The following CDK13 variants were observed in gnomAD, a reference collection of about 807,000 sequenced individuals.
CDK13 encodes the protein cyclin-dependent kinase 13.
Under a neutral mutation model 137.6 loss-of-function variants are expected in CDK13, and 40 were observed. The ratio of observed to expected loss-of-function variants is 0.29; its 90% CI spans 0.23 to 0.38. The LOEUF (loss-of-function observed/expected upper bound fraction) is 0.38. Among genes scored for constraint, CDK13 ranks in the 10% least tolerant of loss-of-function variants. The pLI, the probability that CDK13 is intolerant of heterozygous loss-of-function variation, is 1.00. For missense variants in CDK13, 1,704 were observed against 1,951.8 expected, an observed-to-expected ratio of 0.87 and a Z score of 2.39; for synonymous variants, 869 against 760.1, an observed-to-expected ratio of 1.14 and a Z score of -2.36.
chr7:40,014,678 A>G lies in CDK13; in HGVS notation c.2353+12647A>G, dbSNP rs192019082. Among the ~76,000 whole-genome samples, 189 of 150,276 alleles carry G rather than the reference A, an allele frequency of 1.3e-3. 2 individuals are homozygous for G. Among genetic ancestry groups the G allele is most frequent in the African/African-American group, 4.4e-3 (180 of 40,888 alleles). On this transcript the variant is annotated intron_variant, in intron 5 of 13. Transcript: ENST00000181839. ...AACATGTTGCCGAGGCCAGTCTCGAACTCCTGGGCTCAAGTGATCCACCTG... is the reference window on the plus strand; with the variant it reads ...AACATGTTGCCGAGGCCAGTCTCGAGCTCCTGGGCTCAAGTGATCCACCTG...
chr7:40,077,766 G>A (rs921758403), intron 9 of CDK13, among the ~76,000 whole-genome samples: 6 of 152,138 alleles, frequency 3.9e-5, no homozygotes, highest in African/African-American at 1.4e-4. Flanking sequence ...TGAGGCAGGA[G>A]AATCACTTGA....
intron 5 of CDK13, among the ~76,000 whole-genome samples, chr7:40,041,037 G>A (rs1454972849): frequency 6.6e-6 from 1 of 152,036 alleles, no homozygotes; most frequent in Non-Finnish European, 1.5e-5. Context: ...AATTAATAAC[G>A]TATTTAACCC....
chr7:40,001,418 T>C (rs1784682453), intron 4 of CDK13, among the ~76,000 whole-genome samples: 1 of 152,086 alleles, frequency 6.6e-6, no homozygotes, highest in African/African-American at 2.4e-5. Flanking sequence ...GGTTTCACTA[T>C]GTTGGCCAGG....
At chr7:40,017,238 C>T (rs955100380) in intron 5 of CDK13, among the ~76,000 whole-genome samples, 1 of 152,072 alleles carries the variant, frequency 6.6e-6, no homozygotes, top group Non-Finnish European at 1.5e-5. Context: ...TTTTTAGCGT[C>T]TTCCAACAGT....
intron 11 of CDK13, among the ~76,000 whole-genome samples, chr7:40,085,325 C>T (rs1786765100): frequency 6.6e-6 from 1 of 151,346 alleles, no homozygotes; most frequent in African/African-American, 2.4e-5. Flanking sequence ...AGCACCACTG[C>T]ACTCCAGCCT....
chr7:39,959,535 C>G (rs1443577439), intron 1 of CDK13, among the ~76,000 whole-genome samples: 1 of 151,578 alleles, frequency 6.6e-6, no homozygotes, highest in Non-Finnish European at 1.5e-5. Flanking sequence ...GTGGCACCAT[C>G]TGCTCACTGC....
At chr7:39,987,225 A>C (rs892818639) in intron 1 of CDK13, 2 of 166,468 alleles carry the variant, frequency 1.2e-5, no homozygotes, top group Non-Finnish European at 2.6e-5. Context: ...TGAGGAAGGT[A>C]CTTTTGAGAT....
At chr7:40,046,664 TAATC>T (rs1785748224) in intron 6 of CDK13, among the ~76,000 whole-genome samples, 1 of 149,656 alleles carries the variant, frequency 6.7e-6, no homozygotes. Flanking sequence ...AAAATAAAAA[TAATC>T]AACAATATTA....
chr7:40,042,625 T>C (rs1412097245), intron 5 of CDK13, among the ~76,000 whole-genome samples: 1 of 150,890 alleles, frequency 6.6e-6, no homozygotes, highest in African/African-American at 2.4e-5. Flanking sequence ...ATTACAGGCA[T>C]GTGCCCCACA....
intron 11 of CDK13, among the ~76,000 whole-genome samples, chr7:40,082,028 T>C (rs1488713171): frequency 6.6e-6 from 1 of 152,248 alleles, no homozygotes; most frequent in Non-Finnish European, 1.5e-5. Context: ...TTGATTAATA[T>C]TGCTTATTCT....
At chr7:39,960,986 C>G in intron 1 of CDK13, among the ~76,000 whole-genome samples, 1 of 152,108 alleles carries the variant, frequency 6.6e-6, no homozygotes, top group East Asian at 1.9e-4. Context: ...CATCACATAC[C>G]TATTTTGGTG....
At chr7:39,987,562 CT>C (rs1562713507) in intron 1 of CDK13, 36 bp from the exon 2 acceptor site, 2 of 1,505,920 alleles carry the variant, frequency 1.3e-6, no homozygotes, top group African/African-American at 2.8e-5. Flanking sequence ...CTGAACCTTT[CT>C]CAATTACTGA....
chr7:39,951,523 G>A lies in CDK13; in HGVS notation c.882G>A (p.Lys294=), dbSNP rs770231488. The change falls in exon 1 of 14, where the codon AAG becomes AAA. Residue 294 remains lysine, a synonymous_variant. Transcript: ENST00000181839. ...KSSKEPPSAY[K]EPPKAYREDK... ...CCAAGGAGCCGCCTTCGGCCTACAAGGAACCGCCCAAGGCCTACCGGGAGG... is the reference window on the plus strand; with the variant it reads ...CCAAGGAGCCGCCTTCGGCCTACAAAGAACCGCCCAAGGCCTACCGGGAGG... 2.6e-6 allele frequency: 4 copies of A among 1,535,356 alleles called. No individual in the cohort carries two copies. The highest frequency in any genetic ancestry group is 2.6e-6 in the Non-Finnish European group (3 of 1,143,290).
chr7:40,057,139 C>T (rs532210030), intron 7 of CDK13, among the ~76,000 whole-genome samples: 6 of 152,246 alleles, frequency 3.9e-5, no homozygotes, highest in South Asian at 4.1e-4. Flanking sequence ...CCTGTAATCC[C>T]AGCTACTTGG....
At chr7:40,068,049 T>G (rs965250821) in intron 9 of CDK13, 4 of 149,918 alleles carry the variant, frequency 2.7e-5, no homozygotes, top group African/African-American at 9.9e-5. Flanking sequence ...GAGCCGAGAT[T>G]GCTCTGCCGC....
At chr7:39,983,703 C>G (rs988649307) in intron 1 of CDK13, among the ~76,000 whole-genome samples, 1 of 152,166 alleles carries the variant, frequency 6.6e-6, no homozygotes, top group Admixed American at 6.5e-5. Flanking sequence ...TCATCAGTAT[C>G]TGATCAGGGG....
At chr7:40,023,654 C>T (rs1785177057) in intron 5 of CDK13, among the ~76,000 whole-genome samples, 1 of 152,088 alleles carries the variant, frequency 6.6e-6, no homozygotes, top group Admixed American at 6.6e-5. Flanking sequence ...CGCCCGCCAC[C>T]ACGCCTGGCT....
chr7:40,048,013 T>G (rs999614978), intron 7 of CDK13, 136 bp downstream of exon 7: 3 of 555,788 alleles, frequency 5.4e-6, no homozygotes, highest in Admixed American at 2.8e-5. Context: ...ACATTGAAAT[T>G]TTATACCATA....
chr7:40,031,134 C>T (rs1785369243), intron 5 of CDK13, among the ~76,000 whole-genome samples: 2 of 152,108 alleles, frequency 1.3e-5, no homozygotes, highest in Non-Finnish European at 2.9e-5. Flanking sequence ...ACATTTTTAC[C>T]AGCATTTGGT....
Sources: gnomAD v4.1 joint callset for allele counts (sites outside exome capture counted in the v4.1 genomes callset) on GRCh38, gnomAD v4.1.1 for gene constraint, MANE v1.5 for transcripts, NCBI Gene and HGNC (gene_info 2026-07-23, HGNC 2026-07-21) for gene names.